The following SLC39A11 variants were observed in gnomAD, a reference collection of about 807,000 sequenced individuals.
SLC39A11 encodes the protein solute carrier family 39 member 11.
Under a neutral mutation model 36.1 loss-of-function variants are expected in SLC39A11, and 33 were observed. That is an observed-to-expected ratio of 0.91 (90% CI 0.69 to 1.22). The LOEUF is 1.22. SLC39A11 is among the 50% of genes most tolerant of loss of function. The probability of loss-of-function intolerance (pLI) is 0.00; values close to 1 mark genes in which losing one functional copy is unlikely to be tolerated. For synonymous variants in SLC39A11, 166 were observed against 170.3 expected (o/e 0.97, Z 0.20); for missense variants, 432 against 430.3 (o/e 1.00, Z -0.03).
chr17:72,694,732 C>T (rs1054731594), intron 7 of SLC39A11, among the ~76,000 whole-genome samples: 1 of 152,260 alleles, frequency 6.6e-6, no homozygotes, highest in Non-Finnish European at 1.5e-5. Context: ...TCCAAAATAG[C>T]ATTTTCCCTT....
chr17:73,000,122 T>C (rs930570588), intron 4 of SLC39A11, among the ~76,000 whole-genome samples: 2 of 152,094 alleles, frequency 1.3e-5, no homozygotes, highest in African/African-American at 4.8e-5. Context: ...CCTCTTCCCA[T>C]AACAGGAGCT....
At chr17:72,902,654 G>T (rs1036090744) in intron 5 of SLC39A11, among the ~76,000 whole-genome samples, 2 of 152,314 alleles carry the variant, frequency 1.3e-5, no homozygotes, top group South Asian at 4.1e-4. Flanking sequence ...CATGCCAAGA[G>T]CAAATATCTA....
At chr17:72,839,079 A>G (rs1238416457) in intron 6 of SLC39A11, 1 of 152,256 alleles carries the variant, frequency 6.6e-6, no homozygotes, top group Non-Finnish European at 1.5e-5. Context: ...TAGAGGCTCA[A>G]ACACAGAAAG....
chr17:72,791,153 G>A (rs566429535), intron 6 of SLC39A11, among the ~76,000 whole-genome samples: 25 of 96,790 alleles, frequency 2.6e-4, no homozygotes, highest in Non-Finnish European at 4.9e-4. Context: ...TGATTCTGAT[G>A]CATGTTAAGT....
intron 4 of SLC39A11, among the ~76,000 whole-genome samples, chr17:72,964,085 C>T (rs932030037): frequency 9.2e-5 from 14 of 152,126 alleles, no homozygotes; most frequent in African/African-American, 2.9e-4. Flanking sequence ...GAGGTACACA[C>T]GAGTTTTCCT....
At chr17:72,811,620 G>A (rs2077438154) in intron 6 of SLC39A11, among the ~76,000 whole-genome samples, 1 of 152,150 alleles carries the variant, frequency 6.6e-6, no homozygotes, top group Non-Finnish European at 1.5e-5. Flanking sequence ...TGCTCTTTGA[G>A]GAGTCACACT....
intron 7 of SLC39A11, among the ~76,000 whole-genome samples, chr17:72,654,623 G>A (rs151081449): frequency 6.6e-6 from 1 of 152,294 alleles, no homozygotes; most frequent in African/African-American, 2.4e-5. Context: ...CCTCAAAATG[G>A]TTGAGTGAAT....
At chr17:72,680,521 C>T (rs2071467883) in intron 7 of SLC39A11, among the ~76,000 whole-genome samples, 1 of 152,216 alleles carries the variant, frequency 6.6e-6, no homozygotes, top group Admixed American at 6.5e-5. Context: ...CCCACACACA[C>T]TCTCTTGCTG....
intron 7 of SLC39A11, among the ~76,000 whole-genome samples, chr17:72,729,422 TATATATATATATATA>T (rs2074078710): frequency 2.7e-3 from 7 of 2,604 alleles, no homozygotes; most frequent in African/African-American, 3.6e-3. Flanking sequence ...TATATATATA[TATATATATATATATA>T]TATATATATA....
intron 5 of SLC39A11, among the ~76,000 whole-genome samples, chr17:72,892,969 A>C (rs1190346665): frequency 6.6e-6 from 1 of 152,154 alleles, no homozygotes; most frequent in African/African-American, 2.4e-5. Flanking sequence ...TGTTAAATCA[A>C]TCATCAGGAA....
chr17:72,889,687 T>C (rs1027301937), intron 5 of SLC39A11, among the ~76,000 whole-genome samples: 9 of 152,254 alleles, frequency 5.9e-5, no homozygotes, highest in Non-Finnish European at 7.3e-5. Flanking sequence ...CAACAGCACA[T>C]AATTTTTACT....
chr17:72,983,794 C>T (rs1375998739), intron 4 of SLC39A11, among the ~76,000 whole-genome samples: 1 of 152,150 alleles, frequency 6.6e-6, no homozygotes, highest in Admixed American at 6.5e-5. Context: ...AGATGCCCAA[C>T]GGTGAGAACG....
chr17:72,819,962 T>C (rs1433779069), intron 6 of SLC39A11, among the ~76,000 whole-genome samples: 1 of 151,012 alleles, frequency 6.6e-6, no homozygotes, highest in Non-Finnish European at 1.5e-5. Context: ...GGCCCTGTGT[T>C]CCCTCTGGGC....
chr17:73,091,669 A>G (rs1247915748), intron 1 of SLC39A11, among the ~76,000 whole-genome samples: 1 of 152,176 alleles, frequency 6.6e-6, no homozygotes, highest in Non-Finnish European at 1.5e-5. Flanking sequence ...CAACTTTAGG[A>G]CACAGCATCT....
chr17:72,967,048 C>A (rs1486421302), intron 4 of SLC39A11, among the ~76,000 whole-genome samples: 1 of 152,094 alleles, frequency 6.6e-6, no homozygotes, highest in Non-Finnish European at 1.5e-5. Context: ...GATCTGTCAC[C>A]GCCTCCCATC....
intron 5 of SLC39A11, among the ~76,000 whole-genome samples, chr17:72,866,716 C>T (rs1196559420): frequency 6.6e-6 from 1 of 152,148 alleles, no homozygotes; most frequent in African/African-American, 2.4e-5. Flanking sequence ...GAATGCAATG[C>T]AAAGCACAAA....
At chr17:72,887,421 A>G (rs2146656794) in intron 5 of SLC39A11, among the ~76,000 whole-genome samples, 1 of 152,332 alleles carries the variant, frequency 6.6e-6, no homozygotes, top group Admixed American at 6.5e-5. Context: ...ACTTCTCCCG[A>G]GGGCTCTGCC....
At chr17:72,813,729 C>T (rs2077498895) in intron 6 of SLC39A11, among the ~76,000 whole-genome samples, 3 of 152,196 alleles carry the variant, frequency 2.0e-5, no homozygotes, top group Non-Finnish European at 4.4e-5. Flanking sequence ...AGCTTTTTAG[C>T]AGGTGGTACA....
chr17:72,679,309 T>C (rs1376578153), intron 7 of SLC39A11, among the ~76,000 whole-genome samples: 1 of 152,294 alleles, frequency 6.6e-6, no homozygotes, highest in African/African-American at 2.4e-5. Context: ...AGATAAACGT[T>C]TGCTGTGATG....
Sources: gnomAD v4.1 joint callset for allele counts (sites outside exome capture counted in the v4.1 genomes callset) on GRCh38, gnomAD v4.1.1 for gene constraint, MANE v1.5 for transcripts, NCBI Gene and HGNC (gene_info 2026-07-23, HGNC 2026-07-21) for gene names.